The following PPP2R2A variants were observed in gnomAD, a reference collection of about 807,000 sequenced individuals.
The protein encoded by PPP2R2A is protein phosphatase 2 regulatory subunit Balpha, also known as serine/threonine-protein phosphatase 2A 55 kDa regulatory subunit B alpha isoform.
Under a neutral mutation model 53.2 loss-of-function variants are expected in PPP2R2A, and 9 were observed. The observed-to-expected ratio is 0.17, with a 90% CI of 0.10 to 0.30. The LOEUF (loss-of-function observed/expected upper bound fraction) is 0.30, where lower values mean the gene tolerates loss of function less well. Among genes scored for constraint, PPP2R2A ranks in the 10% least tolerant of loss-of-function variants. PPP2R2A has a pLI of 1.00. For synonymous variants in PPP2R2A, 169 were observed against 174.2 expected (o/e 0.97, Z 0.23); for missense variants, 235 against 534.6 (o/e 0.44, Z 5.53).
chr8:26,337,879 T>C (rs574284587), intron 2 of PPP2R2A, among the ~76,000 whole-genome samples: 6 of 152,330 alleles, frequency 3.9e-5, no homozygotes, highest in Non-Finnish European at 8.8e-5. Flanking sequence ...AATCTGGGCT[T>C]TAAAAAATTG....
Position 26,362,949 on chromosome 8 carries a change from A to T in PPP2R2A, c.802+101A>T. On this transcript the variant is annotated intron_variant, in intron 7 of 9. Transcript: ENST00000380737. This position sits in a 1 kb window ranked among gnomAD's most constrained non-coding sequence, Gnocchi z 4.4. Reference sequence around the variant, plus strand: ...CAATTACAGAGGTTCAAAGTCTTAAACCCGTGTGTCCAGAGCCACTTGTAC... The same window carrying T: ...CAATTACAGAGGTTCAAAGTCTTAATCCCGTGTGTCCAGAGCCACTTGTAC... The T allele has an allele frequency of 8.4e-7, 1 of 1,183,968 alleles. No homozygotes were observed. 73.3% of individuals were successfully genotyped at this position (1,183,968 alleles called of 1,614,324 possible). A position where few individuals can be genotyped will look rare whatever the true frequency, so the allele number is the denominator to read the frequency against.
At position 26,360,099 on chromosome 8, in the gene PPP2R2A, C is replaced by A; in HGVS notation, c.347-70C>A. 1 of 743,354 alleles carries A rather than the reference C, an allele frequency of 1.3e-6. No homozygotes were observed. The highest frequency in any genetic ancestry group is 2.2e-6 in the Non-Finnish European group (1 of 460,998). The allele number at this position is 743,354 out of a possible 1,614,324, so 46.0% of individuals were successfully genotyped here. ...TCCTTTTACGTGAAATGTGAAATAG[C>A]ATATTTTAAATGCCTTAAAATGTTT... On this transcript the variant is annotated intron_variant, in intron 4 of 9. Transcript: ENST00000380737. This position sits in a 1 kb window ranked among gnomAD's most constrained non-coding sequence, Gnocchi z 4.5.
At chr8:26,311,346 A>T (rs1388001344) in intron 2 of PPP2R2A, among the ~76,000 whole-genome samples, 2 of 152,208 alleles carry the variant, frequency 1.3e-5, no homozygotes, top group African/African-American at 2.4e-5. Context: ...TTTTGGGCAC[A>T]TTTTAGGCAC....
At chr8:26,355,892 A>C (rs1804759307) in intron 4 of PPP2R2A, among the ~76,000 whole-genome samples, 1 of 151,838 alleles carries the variant, frequency 6.6e-6, no homozygotes, top group Non-Finnish European at 1.5e-5. Flanking sequence ...AAAAGTTAGT[A>C]ATGACTCTAC....
At chr8:26,363,129 A>G (rs1242467276) in intron 7 of PPP2R2A, 2 of 227,920 alleles carry the variant, frequency 8.8e-6, no homozygotes. Flanking sequence ...CTTGTATTGA[A>G]GTAGAGCTGT....
At chr8:26,335,451 C>G (rs991336316) in intron 2 of PPP2R2A, among the ~76,000 whole-genome samples, 4 of 152,092 alleles carry the variant, frequency 2.6e-5, no homozygotes, top group African/African-American at 9.7e-5. Context: ...AGTTTTCCTA[C>G]CAGAAATATG....
chr8:26,336,597 G>A (rs550241342), intron 2 of PPP2R2A, among the ~76,000 whole-genome samples: 2 of 152,198 alleles, frequency 1.3e-5, no homozygotes, highest in Admixed American at 6.5e-5. Context: ...AATTGAGCCC[G>A]GCTGGGTATG....
intron 2 of PPP2R2A, among the ~76,000 whole-genome samples, chr8:26,313,901 G>T (rs941211279): frequency 6.6e-6 from 1 of 152,178 alleles, no homozygotes; most frequent in South Asian, 2.1e-4. Flanking sequence ...AATTAATGGT[G>T]TTTTAAGCCA....
intron 1 of PPP2R2A, 45 bp downstream of exon 1, chr8:26,291,871 T>A (rs1170355394): frequency 6.2e-7 from 1 of 1,605,972 alleles, no homozygotes; most frequent in South Asian, 1.1e-5. Context: ...CACCGCTTCC[T>A]TATTCCTCCC....
In PPP2R2A at chr8:26,338,762, G is replaced by A. The variant is rs558143337; in HGVS notation, c.83-128G>A. 18 of 503,166 alleles carry A rather than the reference G, an allele frequency of 3.6e-5. No individual in the cohort carries two copies. The highest frequency in any genetic ancestry group is 3.5e-4 in the African/African-American group (18 of 50,832). The allele number at this position is 503,166 out of a possible 1,614,324, so 31.2% of individuals were successfully genotyped here. ...CTTTAGATTCATGTTATTTCTGATG[G>A]GTGGTTGATGTACTTCAAAGATATA... On this transcript the variant is annotated intron_variant, in intron 2 of 9. Transcript: ENST00000380737. This position sits in a 1 kb window ranked among gnomAD's most constrained non-coding sequence, Gnocchi z 4.5.
intron 2 of PPP2R2A, among the ~76,000 whole-genome samples, chr8:26,327,316 C>T (rs886570319): frequency 3.3e-5 from 5 of 152,222 alleles, no homozygotes; most frequent in Non-Finnish European, 7.3e-5. Flanking sequence ...TCCCGCCCTT[C>T]AGCCTCAGGT....
At chr8:26,337,562 C>G (rs575088335) in intron 2 of PPP2R2A, among the ~76,000 whole-genome samples, 42 of 152,180 alleles carry the variant, frequency 2.8e-4, no homozygotes, top group Admixed American at 2.7e-3. Context: ...AACTCCTAAT[C>G]AAATGACTTC....
At position 26,321,758 on chromosome 8, in the gene PPP2R2A, C is replaced by T. The variant is rs1361662241; in HGVS notation, c.83-17132C>T. On this transcript the variant is annotated intron_variant, in intron 2 of 9. Transcript: ENST00000380737. The surrounding 1 kb of genome is among the most constrained non-coding windows in gnomAD (Gnocchi z 4.1). ...TTTGTGAGAGACCTTGAACGCAAGG[C>T]CCCCTGGCTAAGTCACACCTAGATT... Among the ~76,000 whole-genome samples the T allele has an allele frequency of 7.2e-5, 11 of 152,176 alleles. No individual in the cohort carries two copies. Among genetic ancestry groups the T allele is most frequent in the Admixed American group, 5.9e-4 (9 of 15,288 alleles).
chr8:26,347,015 A>G (rs1407794639), intron 3 of PPP2R2A, among the ~76,000 whole-genome samples: 2 of 152,322 alleles, frequency 1.3e-5, no homozygotes, highest in African/African-American at 2.4e-5. Context: ...TGGAAGAGAA[A>G]CTAATATTTG....
At chr8:26,297,181 C>A (rs1801581030) in intron 2 of PPP2R2A, among the ~76,000 whole-genome samples, 1 of 152,172 alleles carries the variant, frequency 6.6e-6, no homozygotes, top group East Asian at 1.9e-4. Flanking sequence ...ACGATCTCGA[C>A]TCACTGCATC....
intron 1 of PPP2R2A, chr8:26,293,351 A>G: frequency 7.3e-7 from 1 of 1,363,030 alleles, no homozygotes; most frequent in Non-Finnish European, 1.0e-6. Flanking sequence ...AACTCTTGGT[A>G]TTTACTTTTT....
chr8:26,326,286 A>G (rs1803082060), intron 2 of PPP2R2A, among the ~76,000 whole-genome samples: 1 of 152,196 alleles, frequency 6.6e-6, no homozygotes, highest in South Asian at 2.1e-4. Flanking sequence ...CCCAGTTCTC[A>G]GTCTCCTTCA....
At chr8:26,304,848 A>G (rs11135933) in intron 2 of PPP2R2A, among the ~76,000 whole-genome samples, 89,712 of 151,980 alleles carry the variant, frequency 0.59, 26,752 homozygotes, top group South Asian at 0.63. Flanking sequence ...TTGACATAAA[A>G]TGAGCATTAT....
intron 2 of PPP2R2A, among the ~76,000 whole-genome samples, chr8:26,318,837 T>C (rs930099351): frequency 1.3e-5 from 2 of 152,358 alleles, no homozygotes; most frequent in East Asian, 3.9e-4. Context: ...GGACTTTTTA[T>C]GTGGGATGAC....
Sources: allele counts gnomAD v4.1 joint callset (sites outside exome capture counted in the v4.1 genomes callset), GRCh38; gene constraint gnomAD v4.1.1; non-coding constraint Gnocchi (gnomAD v3.1); transcripts MANE v1.5; gene names NCBI Gene and HGNC (gene_info 2026-07-23, HGNC 2026-07-21).